Variants in DAB1 observed in about 807,000 individuals in gnomAD.
DAB1 encodes disabled homolog 1.
A neutral mutation model predicts 64.6 loss-of-function variants in DAB1; 15 were observed. That is an observed-to-expected ratio of 0.23 (90% confidence interval 0.16 to 0.36). The LOEUF is 0.36. DAB1 is among the 10% of genes least tolerant of loss of function. DAB1 has a pLI of 1.00. For missense variants in DAB1, 596 were observed against 706.7 expected (o/e 0.84, Z 1.78); for synonymous variants, 235 against 251.9 (o/e 0.93, Z 0.64).
intron 7 of DAB1, among the ~76,000 whole-genome samples, chr1:57,461,234 T>C (rs1400854357): frequency 6.6e-6 from 1 of 152,214 alleles, no homozygotes; most frequent in Non-Finnish European, 1.5e-5. Flanking sequence ...TTTTGTTGAC[T>C]CTCAGCACTT....
intron 9 of DAB1, among the ~76,000 whole-genome samples, chr1:57,055,746 T>C (rs561488278): frequency 1.6e-4 from 25 of 152,266 alleles, no homozygotes; most frequent in Admixed American, 1.5e-3. Flanking sequence ...GGGATCCTGT[T>C]GGCTTTGAGT....
intron 1 of DAB1, among the ~76,000 whole-genome samples, chr1:57,398,643 T>C (rs936799578): frequency 5.3e-5 from 8 of 152,200 alleles, no homozygotes; most frequent in Non-Finnish European, 7.3e-5. Flanking sequence ...AAAAATGTAT[T>C]TCTTTCCTAT....
intron 7 of DAB1, among the ~76,000 whole-genome samples, chr1:57,541,767 C>T (rs1644805844): frequency 6.6e-6 from 1 of 152,206 alleles, no homozygotes; most frequent in Non-Finnish European, 1.5e-5. Flanking sequence ...GTATTAGATA[C>T]TATTTCAGAT....
chr1:58,433,283 AAG>A (rs1644899654), intron 3 of DAB1, among the ~76,000 whole-genome samples: 1 of 152,124 alleles, frequency 6.6e-6, no homozygotes, highest in Admixed American at 6.5e-5. Context: ...AAGTGTGGGA[AAG>A]AGGAAGGTGG....
intron 7 of DAB1, among the ~76,000 whole-genome samples, chr1:57,553,349 G>A (rs7417766): frequency 7.5e-6 from 1 of 133,906 alleles, no homozygotes; most frequent in East Asian, 2.2e-4. Flanking sequence ...CAGAGAAAGA[G>A]AGAGAGAAAG....
chr1:58,301,049 T>C (rs767980374), intron 4 of DAB1, among the ~76,000 whole-genome samples: 48 of 152,062 alleles, frequency 3.2e-4, no homozygotes, highest in Non-Finnish European at 6.3e-4. Flanking sequence ...TGGCCATGAA[T>C]AGAGGGCCTC....
intron 3 of DAB1, among the ~76,000 whole-genome samples, chr1:58,379,638 C>A (rs896693834): frequency 1.3e-5 from 2 of 152,224 alleles, no homozygotes; most frequent in African/African-American, 4.8e-5. Context: ...TTGGTGCAAC[C>A]ATCCCAGGCT....
At chr1:58,003,242 T>C (rs1225558041) in intron 5 of DAB1, among the ~76,000 whole-genome samples, 1 of 152,196 alleles carries the variant, frequency 6.6e-6, no homozygotes, top group Non-Finnish European at 1.5e-5. Context: ...CCCTTTCTTT[T>C]TCAGGCTATT....
intron 3 of DAB1, among the ~76,000 whole-genome samples, chr1:58,344,923 T>C (rs184113142): frequency 3.3e-5 from 5 of 152,328 alleles, no homozygotes; most frequent in Non-Finnish European, 5.9e-5. Context: ...CAAATTCAGC[T>C]AGGTCTTTCA....
chr1:58,343,661 G>A (rs1051553883), intron 3 of DAB1, among the ~76,000 whole-genome samples: 3 of 152,190 alleles, frequency 2.0e-5, no homozygotes, highest in Admixed American at 6.5e-5. Flanking sequence ...CATTGCCAGC[G>A]GCATAGGCTA....
intron 3 of DAB1, among the ~76,000 whole-genome samples, chr1:58,438,962 C>A (rs986732411): frequency 6.6e-6 from 1 of 151,990 alleles, no homozygotes; most frequent in Non-Finnish European, 1.5e-5. Flanking sequence ...ATGGGCGAGG[C>A]AGTGTGACGT....
chr1:57,805,693 C>T (rs1196371216), intron 6 of DAB1, among the ~76,000 whole-genome samples: 2 of 152,154 alleles, frequency 1.3e-5, no homozygotes, highest in East Asian at 3.8e-4. Flanking sequence ...CAATAGGCAT[C>T]TCACACTTAA....
chr1:57,190,176 G>A (rs1053620853), intron 2 of DAB1, among the ~76,000 whole-genome samples: 3 of 152,130 alleles, frequency 2.0e-5, no homozygotes, highest in African/African-American at 7.2e-5. Context: ...TATGGGGTGG[G>A]GACTTCAGAA....
chr1:57,712,337 C>T (rs1405609515), intron 6 of DAB1, among the ~76,000 whole-genome samples: 4 of 152,112 alleles, frequency 2.6e-5, no homozygotes, highest in East Asian at 3.8e-4. Context: ...AGACTCGATG[C>T]TTTGGACTTT....
intron 3 of DAB1, among the ~76,000 whole-genome samples, chr1:58,360,244 AAGG>A (rs1644152364): frequency 6.6e-6 from 1 of 152,176 alleles, no homozygotes; most frequent in African/African-American, 2.4e-5. Context: ...GGAAGGCTGC[AAGG>A]AGGAGGCATT....
Position 58,434,628 on chromosome 1 carries a change from T to A in DAB1, n.257+71432A>T, listed in dbSNP as rs1437754835. 2.6e-5 allele frequency among the ~76,000 whole-genome samples: 4 copies of A among 152,174 alleles called. No individual in the cohort carries two copies. In the East Asian group the frequency reaches 7.7e-4, roughly 29 times the overall value. The stretch of plus-strand genomic sequence containing the variant: ...CATAAATTTGGGATTTATCACCATA[T>A]AGATGGCATTTAATGCCATTAGAAT... On this transcript the variant is annotated intron_variant and non_coding_transcript_variant, in intron 3 of 20. Transcript: ENST00000485760.
At chr1:57,971,601 A>G (rs1279775159) in intron 5 of DAB1, among the ~76,000 whole-genome samples, 1 of 152,246 alleles carries the variant, frequency 6.6e-6, no homozygotes, top group Non-Finnish European at 1.5e-5. Flanking sequence ...CATCTCTATC[A>G]CAGGAGTTTT....
At chr1:57,907,431 A>C (rs747316559) in intron 5 of DAB1, among the ~76,000 whole-genome samples, 8 of 152,240 alleles carry the variant, frequency 5.3e-5, no homozygotes, top group Non-Finnish European at 1.0e-4. Context: ...ATGAAATTAC[A>C]CTGAAATTTA....
At chr1:57,055,131 C>T (rs1649618233) in intron 9 of DAB1, among the ~76,000 whole-genome samples, 1 of 152,224 alleles carries the variant, frequency 6.6e-6, no homozygotes, top group Non-Finnish European at 1.5e-5. Context: ...GACACCCTGA[C>T]ATAAAAATGT....
Sources: gnomAD v4.1 joint callset for allele counts (sites outside exome capture counted in the v4.1 genomes callset) on GRCh38, gnomAD v4.1.1 for gene constraint, MANE v1.5 for transcripts, NCBI Gene and HGNC (gene_info 2026-07-23, HGNC 2026-07-21) for gene names.